The following NLRC3 variants were observed in gnomAD, a reference collection of about 807,000 sequenced individuals.
NLRC3 encodes NLR family CARD domain-containing protein 3.
Under a neutral mutation model 91.6 loss-of-function variants are expected in NLRC3, and 87 were observed. The observed-to-expected ratio is 0.95, with a 90% CI of 0.80 to 1.14. The LOEUF (loss-of-function observed/expected upper bound fraction) is 1.14. Ranked by LOEUF, NLRC3 falls within the 50% of genes most tolerant of loss-of-function variation. The pLI, the probability that NLRC3 is intolerant of heterozygous loss-of-function variation, is 0.00. For missense variants in NLRC3, 1,577 were observed against 1,418.6 expected, an observed-to-expected ratio of 1.11 and a Z score of -1.79; for synonymous variants, 694 against 625.3, an observed-to-expected ratio of 1.11 and a Z score of -1.64.
intron 17 of NLRC3, 114 bp downstream of exon 17, chr16:3,543,311 A>G: frequency 1.3e-6 from 1 of 761,140 alleles, no homozygotes; most frequent in Middle Eastern, 2.3e-4. Context: ...CACTGAAATG[A>G]AGATCACCAG....
chr16:3,555,815 C>G (rs1354828371), intron 8 of NLRC3: 1 of 152,110 alleles, frequency 6.6e-6, no homozygotes, highest in East Asian at 1.9e-4. Flanking sequence ...CTCCCGACCT[C>G]AAGTGATCCA....
chr16:3,556,865 TG>T, intron 8 of NLRC3, 45 bp downstream of exon 8: 2 of 1,364,334 alleles, frequency 1.5e-6, no homozygotes, highest in Non-Finnish European at 2.1e-6. Flanking sequence ...GAGGGTTTTC[TG>T]GGCCCTCTCT....
rs570566911 is a variant in NLRC3, at chr16:3,556,495, A to T, written c.2183+416T>A. ...CCAATGGGATGGGAGCCAGTATCCC[A>T]TGCCTGCCATCTTTGTTTGCTTGCT... is the stretch of plus-strand genomic sequence containing the variant. On this transcript the variant is annotated intron_variant, in intron 8 of 19. Coordinates refer to ENST00000359128, the MANE Select transcript of NLRC3 (RefSeq NM_178844.4). Among the ~76,000 whole-genome samples the T allele has an allele frequency of 5.9e-5, 9 of 152,080 alleles. No homozygotes were observed. The South Asian group carries it at 1.9e-3, about 32-fold the overall frequency.
chr16:3,556,591 G>C (rs1202473302), intron 8 of NLRC3, among the ~76,000 whole-genome samples: 5 of 152,016 alleles, frequency 3.3e-5, no homozygotes, highest in Admixed American at 6.6e-5. Context: ...TGCAACCTCT[G>C]CTTCCCAGAC....
intron 1 of NLRC3, among the ~76,000 whole-genome samples, chr16:3,569,272 C>T (rs1343800448): frequency 6.8e-6 from 1 of 147,124 alleles, no homozygotes; most frequent in Non-Finnish European, 1.5e-5. Flanking sequence ...CGAAAACGCA[C>T]CACTGCACTC....
At chr16:3,544,596 TGGGACCCAAAAGG>T (rs899461939) in intron 15 of NLRC3, 5 of 432,374 alleles carry the variant, frequency 1.2e-5, no homozygotes, top group Non-Finnish European at 1.7e-5. Flanking sequence ...AGCAGGGGCT[TGGGACCCAAAAGG>T]GGATGCTTTT....
At chr16:3,575,754 C>G (rs938965919) in intron 1 of NLRC3, among the ~76,000 whole-genome samples, 3 of 152,196 alleles carry the variant, frequency 2.0e-5, no homozygotes, top group African/African-American at 4.8e-5. Context: ...CCCACCTGAT[C>G]TGTGCCTCAG....
intron 12 of NLRC3, among the ~76,000 whole-genome samples, chr16:3,549,440 G>A: frequency 6.6e-6 from 1 of 152,200 alleles, no homozygotes; most frequent in East Asian, 1.9e-4. Flanking sequence ...GCAGTACAGG[G>A]AGAGGACAGG....
At chr16:3,568,720 C>T (rs2039978388) in intron 1 of NLRC3, among the ~76,000 whole-genome samples, 1 of 152,070 alleles carries the variant, frequency 6.6e-6, no homozygotes, top group African/African-American at 2.4e-5. Context: ...GAGTGAGACC[C>T]TGTCTTAGGA....
At chr16:3,552,338 AG>A in intron 9 of NLRC3, 59 bp from the exon 10 acceptor site, 1 of 1,232,678 alleles carries the variant, frequency 8.1e-7, no homozygotes, top group Non-Finnish European at 1.2e-6. Flanking sequence ...TCCCAGGCCA[AG>A]GACGGTTCAG....
chr16:3,570,338 CAT>C (rs2040055482), intron 1 of NLRC3, among the ~76,000 whole-genome samples: 1 of 152,162 alleles, frequency 6.6e-6, no homozygotes, highest in African/African-American at 2.4e-5. Context: ...TTGATATAAA[CAT>C]ATGATTTATT....
In NLRC3 at chr16:3,564,268, C is replaced by T. The variant is rs769717671; in HGVS notation, c.669G>A (p.Glu223=). The T allele has an allele frequency of 5.0e-6, 8 of 1,612,254 alleles. No individual in the cohort carries two copies. Among genetic ancestry groups the T allele is most frequent in the Non-Finnish European group, 6.8e-6 (8 of 1,179,676 alleles). The change falls in exon 5 of 20, where the codon GAG becomes GAA. Residue 223 remains glutamate, a synonymous_variant. Coordinates refer to ENST00000359128, the MANE Select transcript of NLRC3 (RefSeq NM_178844.4). This position sits in a 1 kb window ranked among gnomAD's most constrained non-coding sequence, Gnocchi z 5.9. ...RALLILDGLD[E]CRTPLDFSNT... ...TGGAGAAGTCCAGAGGCGTCCTGCA[C>T]TCATCCAAGCCGTCCAGGATCAGGA...
Position 3,543,380 on chromosome 16 carries a change from G to A in NLRC3, c.2939+45C>T, listed in dbSNP as rs775360881. On this transcript the variant is annotated intron_variant, in intron 17 of 19. Transcript: ENST00000359128. ...CATATCTATTCATTGAGAATTCATT[G>A]ATTTCTTTGGGCTAAAGACCATAGA... is the stretch of plus-strand genomic sequence containing the variant. 3.0e-6 allele frequency: 4 copies of A among 1,328,236 alleles called. No individual in the cohort carries two copies. The South Asian group carries it at 4.9e-5, about 16-fold the overall frequency. The allele number at this position is 1,328,236 out of a possible 1,614,324, so 82.3% of individuals were successfully genotyped here. A position where few individuals can be genotyped will look rare whatever the true frequency, so the allele number is the denominator to read the frequency against.
chr16:3,562,507 G>T (rs149025486), intron 5 of NLRC3, among the ~76,000 whole-genome samples: 7,592 of 152,186 alleles, frequency 0.05, 402 homozygotes, highest in African/African-American at 0.12. Context: ...CAGGCATGAT[G>T]GCGGGCACCT....
intron 1 of NLRC3, among the ~76,000 whole-genome samples, chr16:3,572,842 G>A (rs779355815): frequency 9.2e-5 from 14 of 151,408 alleles, no homozygotes; most frequent in Non-Finnish European, 1.5e-4. Flanking sequence ...GTGAAACCCC[G>A]TCTCTACTAA....
rs2038872776 is a variant in NLRC3 at position 3,549,306 on chromosome 16, T to C, written c.2520-81A>G. The C allele has an allele frequency of 2.9e-6, 3 of 1,041,948 alleles. No individual in the cohort carries two copies. In the South Asian group the frequency reaches 4.1e-5, roughly 14 times the overall value. The allele number at this position is 1,041,948 out of a possible 1,614,324, so 64.5% of individuals were successfully genotyped here. On this transcript the variant is annotated intron_variant, in intron 12 of 19. Transcript: ENST00000359128. ...AGCCAAGCCCAGGTGTTTAGGCTTC[T>C]TGAAGCCCAAGAAACTGCAGGCGGG...
intron 15 of NLRC3, among the ~76,000 whole-genome samples, chr16:3,546,056 G>A (rs1007392117): frequency 6.6e-6 from 1 of 152,076 alleles, no homozygotes; most frequent in Non-Finnish European, 1.5e-5. Flanking sequence ...TCGAGTGGAT[G>A]GCAGGGACAC....
intron 2 of NLRC3, among the ~76,000 whole-genome samples, chr16:3,566,505 C>T (rs1237428391): frequency 1.3e-5 from 2 of 152,140 alleles, no homozygotes; most frequent in Non-Finnish European, 2.9e-5. Flanking sequence ...GTGGGCAGAT[C>T]ACCTGAGGTC....
At chr16:3,574,058 T>C (rs1413033424) in intron 1 of NLRC3, among the ~76,000 whole-genome samples, 13 of 141,778 alleles carry the variant, frequency 9.2e-5, no homozygotes, top group African/African-American at 3.4e-4. Context: ...AGTCTCACTC[T>C]GTTGCCTAGG....
Sources: gnomAD v4.1 joint callset for allele counts (sites outside exome capture counted in the v4.1 genomes callset) on GRCh38, gnomAD v4.1.1 for gene constraint, Gnocchi (gnomAD v3.1) non-coding constraint, MANE v1.5 for transcripts, NCBI Gene and HGNC (gene_info 2026-07-23, HGNC 2026-07-21) for gene names.